The following EPB41L2 variants were observed in gnomAD, a reference collection of about 807,000 sequenced individuals.
EPB41L2 encodes band 4.1-like protein 2.
In EPB41L2, 43 loss-of-function variants were observed where a neutral mutation model predicts 113.0. The observed-to-expected ratio is 0.38, with a 90% confidence interval of 0.30 to 0.49. The LOEUF is 0.49. EPB41L2 is among the 20% of genes least tolerant of loss of function. The probability of loss-of-function intolerance (pLI) is 0.95; values close to 1 mark genes in which losing one functional copy is unlikely to be tolerated. For missense variants in EPB41L2, 1,147 were observed against 1,223.4 expected, an observed-to-expected ratio of 0.94 and a Z score of 0.93; for synonymous variants, 442 against 436.7, an observed-to-expected ratio of 1.01 and a Z score of -0.15.
At chr6:131,020,283 T>C (rs1207976525) in intron 1 of EPB41L2, among the ~76,000 whole-genome samples, 2 of 152,216 alleles carry the variant, frequency 1.3e-5, no homozygotes, top group African/African-American at 4.8e-5. Context: ...TCCCTCATAT[T>C]TATGTACATA....
chr6:131,046,207 A>C (rs1360965427), intron 1 of EPB41L2, among the ~76,000 whole-genome samples: 1 of 151,744 alleles, frequency 6.6e-6, no homozygotes, highest in Non-Finnish European at 1.5e-5. Context: ...GATACGAGCC[A>C]CTATGCCCTG....
At chr6:130,955,019 G>T in intron 3 of EPB41L2, 86 bp downstream of exon 3, 1 of 1,187,924 alleles carries the variant, frequency 8.4e-7, no homozygotes, top group Non-Finnish European at 1.2e-6. Context: ...TGGCTTACAG[G>T]AACTTAATAA....
At position 130,956,384 on chromosome 6, in the gene EPB41L2, C is replaced by A; in HGVS notation, c.102G>T (p.Gln34His). Residue 34 changes from glutamine to histidine, a missense_variant, in exon 2 of 20, where the codon CAG becomes CAT. By Grantham distance (24) the Gln-to-His change is conservative. Coordinates refer to ENST00000337057, the MANE Select transcript of EPB41L2 (RefSeq NM_001431.4). ...CCTCTGGATCGGAAGACTGATTCTG[C>A]TGATTTTCTGCTACTTCTTTAGGTT... ...KEKPKEVAEN[Q>H]QNQSSDPEEE... is the part of the protein sequence containing the mutation. The A allele has an allele frequency of 6.2e-7, 1 of 1,614,142 alleles. No homozygotes were observed. The highest frequency in any genetic ancestry group is 8.5e-7 in the Non-Finnish European group (1 of 1,180,036).
In EPB41L2 at chr6:130,924,133, T is replaced by C. The variant is rs558414214; in HGVS notation, c.810+2472A>G. ...ACATGGTGTCCTCTAGGTTAATCCA[T>C]GATACAACATGTGACAGGATTTCCT... is the stretch of plus-strand genomic sequence containing the variant. On this transcript the variant is annotated intron_variant, in intron 4 of 19. Transcript: ENST00000337057. Among the ~76,000 whole-genome samples the C allele has an allele frequency of 2.6e-5, 4 of 152,358 alleles. No homozygotes were observed. In the East Asian group the frequency reaches 7.7e-4, roughly 29 times the overall value.
intron 4 of EPB41L2, among the ~76,000 whole-genome samples, chr6:130,911,742 T>C (rs1206248782): frequency 6.6e-6 from 1 of 152,106 alleles, no homozygotes; most frequent in Non-Finnish European, 1.5e-5. Context: ...AAATTTAGAT[T>C]TTTTTGTTTA....
At chr6:130,994,141 C>T (rs1247129460) in intron 1 of EPB41L2, among the ~76,000 whole-genome samples, 15 of 152,038 alleles carry the variant, frequency 9.9e-5, no homozygotes, top group African/African-American at 3.6e-4. Flanking sequence ...CCAGCAAAAT[C>T]CACTGGCAGA....
chr6:130,897,549 T>C (rs1260053697), intron 8 of EPB41L2, among the ~76,000 whole-genome samples: 2 of 152,208 alleles, frequency 1.3e-5, no homozygotes, highest in African/African-American at 2.4e-5. Flanking sequence ...CATTTAAGAA[T>C]TGGTTTCTAA....
At chr6:130,881,856 GAC>G (rs1789432431) in intron 12 of EPB41L2, 1 of 151,874 alleles carries the variant, frequency 6.6e-6, no homozygotes, top group Non-Finnish European at 1.5e-5. Context: ...ACCCTATAGT[GAC>G]TCTTATATAT....
chr6:131,041,421 C>G (rs1794440858), intron 1 of EPB41L2, among the ~76,000 whole-genome samples: 2 of 152,142 alleles, frequency 1.3e-5, no homozygotes, highest in Non-Finnish European at 2.9e-5. Flanking sequence ...ATCAGTCCAG[C>G]TAGAAACACC....
intron 4 of EPB41L2, among the ~76,000 whole-genome samples, chr6:130,922,607 C>A (rs996701640): frequency 6.6e-6 from 1 of 152,178 alleles, no homozygotes; most frequent in Non-Finnish European, 1.5e-5. Flanking sequence ...ATTTCTGCAT[C>A]TATAAGTGTA....
chr6:130,888,262 T>C (rs922090633), intron 11 of EPB41L2, among the ~76,000 whole-genome samples: 1 of 152,192 alleles, frequency 6.6e-6, no homozygotes, highest in Admixed American at 6.5e-5. Flanking sequence ...TCTGGTCATG[T>C]ATTGGCGTTA....
chr6:130,871,713 T>C (rs1256849963), intron 14 of EPB41L2, among the ~76,000 whole-genome samples: 1 of 152,242 alleles, frequency 6.6e-6, no homozygotes, highest in Non-Finnish European at 1.5e-5. Flanking sequence ...TCCAGTTTTA[T>C]TGAAAACTCA....
At chr6:130,927,262 C>T (rs1805074941) in intron 3 of EPB41L2, among the ~76,000 whole-genome samples, 1 of 152,028 alleles carries the variant, frequency 6.6e-6, no homozygotes, top group African/African-American at 2.4e-5. Context: ...GGGATAAATT[C>T]TAAAAATACA....
chr6:130,985,472 C>T (rs780116965), intron 1 of EPB41L2, among the ~76,000 whole-genome samples: 1 of 152,154 alleles, frequency 6.6e-6, no homozygotes, highest in Non-Finnish European at 1.5e-5. Flanking sequence ...GACAAGAACT[C>T]GGGAACCAGT....
At chr6:130,872,464 A>C (rs914570026) in intron 14 of EPB41L2, 4 of 1,289,264 alleles carry the variant, frequency 3.1e-6, no homozygotes, top group East Asian at 5.5e-5. Context: ...TGGTGGCTGA[A>C]GTGAAGGTGG....
At chr6:130,885,689 T>A (rs1280750913) in intron 11 of EPB41L2, among the ~76,000 whole-genome samples, 2 of 152,222 alleles carry the variant, frequency 1.3e-5, no homozygotes, top group East Asian at 3.8e-4. Flanking sequence ...ATTAAGATGA[T>A]TTGCTCCAAT....
intron 15 of EPB41L2, chr6:130,867,865 G>T: frequency 5.6e-6 from 2 of 354,570 alleles, no homozygotes; most frequent in South Asian, 2.5e-5. Context: ...TGACATGATG[G>T]CTTCCTAAAT....
chr6:130,901,678 T>G (rs879664957), intron 6 of EPB41L2, among the ~76,000 whole-genome samples: 11 of 152,186 alleles, frequency 7.2e-5, no homozygotes, highest in Admixed American at 2.0e-4. Flanking sequence ...CTTTTCCATT[T>G]ACCCCATTTA....
chr6:130,880,794 C>A (rs756551719), intron 12 of EPB41L2: 3 of 330,750 alleles, frequency 9.1e-6, no homozygotes, highest in Non-Finnish European at 1.6e-5. Context: ...TATGAGAGTG[C>A]AAAAATGGCA....
Sources: allele counts gnomAD v4.1 joint callset (sites outside exome capture counted in the v4.1 genomes callset), GRCh38; gene constraint gnomAD v4.1.1; transcripts MANE v1.5; gene names NCBI Gene and HGNC (gene_info 2026-07-23, HGNC 2026-07-21).